Variants in ASPH observed in about 807,000 individuals in gnomAD.
ASPH encodes the protein aspartyl/asparaginyl beta-hydroxylase.
In ASPH, 100 loss-of-function variants were observed where a neutral mutation model predicts 118.4. The ratio of observed to expected loss-of-function variants is 0.84; its 90% CI spans 0.72 to 1.00. The LOEUF is 1.00. Among genes scored for constraint, ASPH ranks in the 50% least tolerant of loss-of-function variants. The pLI, the probability that ASPH is intolerant of heterozygous loss-of-function variation, is 0.00. For synonymous variants in ASPH, 315 were observed against 325.6 expected (o/e 0.97, Z 0.35); for missense variants, 920 against 919.5 (o/e 1.00, Z -0.01).
At chr8:61,637,660 C>G (rs113324361) in intron 12 of ASPH, among the ~76,000 whole-genome samples, 2 of 152,178 alleles carry the variant, frequency 1.3e-5, no homozygotes, top group African/African-American at 4.8e-5. Flanking sequence ...TAACCTGCTG[C>G]TACTCAGGGT....
chr8:61,549,996 T>C (rs1443138619), intron 20 of ASPH, among the ~76,000 whole-genome samples: 2 of 152,200 alleles, frequency 1.3e-5, no homozygotes, highest in South Asian at 2.1e-4. Context: ...AGGTCTTTTC[T>C]GACACTCAAA....
In ASPH at chr8:61,573,956, A is replaced by G. The variant is rs567697267; in HGVS notation, c.1149+2816T>C. On this transcript the variant is annotated intron_variant, in intron 16 of 24. Transcript: ENST00000379454. ...AATTTTTGCAATCTACCTGTCTGAC[A>G]AAGAGCTAATATCCAGAATCTACAA... Among the ~76,000 whole-genome samples the G allele has an allele frequency of 5.7e-4, 87 of 152,350 alleles. 1 individual carries two copies. In the Middle Eastern group the frequency reaches 0.027, roughly 48 times the overall value.
At chr8:61,624,422 A>AT in intron 13 of ASPH, 1 of 985,106 alleles carries the variant, frequency 1.0e-6, no homozygotes, top group Non-Finnish European at 1.2e-6. Flanking sequence ...TTCCTTTGTG[A>AT]TTTTAGTTAT....
chr8:61,619,025 A>G lies in ASPH; in HGVS notation c.935-6T>C. 6.3e-7 allele frequency: 1 copy of G among 1,592,368 alleles called. No homozygotes were observed. The highest frequency in any genetic ancestry group is 8.6e-7 in the Non-Finnish European group (1 of 1,162,078). On this transcript the variant is annotated splice_polypyrimidine_tract_variant and splice_region_variant and intron_variant, in intron 13 of 24. Coordinates refer to ENST00000379454, the MANE Select transcript of ASPH (RefSeq NM_004318.4). ...ATCTGTTTTTCTATTTGTTTCTGAAAATTAAAGACAAAACATAGTAAGTAC... is the reference window on the plus strand; with the variant it reads ...ATCTGTTTTTCTATTTGTTTCTGAAGATTAAAGACAAAACATAGTAAGTAC...
rs987779810 is a variant in ASPH, at chr8:61,626,064, T to C, written c.935-7045A>G. The C allele has an allele frequency of 1.7e-5, 21 of 1,240,046 alleles. No homozygotes were observed. In the African/African-American group the frequency reaches 3.0e-4, roughly 17 times the overall value. The allele number at this position is 1,240,046 out of a possible 1,614,324, so 76.8% of individuals were successfully genotyped here. A position where few individuals can be genotyped will look rare whatever the true frequency, so the allele number is the denominator to read the frequency against. On this transcript the variant is annotated intron_variant, in intron 13 of 24. Transcript: ENST00000379454. ...AAAAGGGACATGCAGGAATGTAACA[T>C]GACATTTTTAGAAATGTGTGTTTCT... is the stretch of plus-strand genomic sequence containing the variant.
intron 13 of ASPH, chr8:61,628,295 G>C (rs1403525465): frequency 5.8e-6 from 2 of 343,306 alleles, no homozygotes; most frequent in Admixed American, 3.9e-5. Context: ...GAGTAGCTAG[G>C]ACTACAGGCA....
chr8:61,575,317 C>T (rs934296447), intron 16 of ASPH, among the ~76,000 whole-genome samples: 4 of 152,166 alleles, frequency 2.6e-5, no homozygotes, highest in African/African-American at 9.7e-5. Context: ...TTTATAAAGA[C>T]TTTCAGGGCT....
At chr8:61,621,030 G>A (rs926032919) in intron 13 of ASPH, among the ~76,000 whole-genome samples, 1 of 152,208 alleles carries the variant, frequency 6.6e-6, no homozygotes, top group African/African-American at 2.4e-5. Context: ...CCAGGAACGT[G>A]GAGGGTGAGT....
intron 1 of ASPH, among the ~76,000 whole-genome samples, chr8:61,694,822 C>T (rs1305702576): frequency 2.6e-5 from 4 of 152,172 alleles, no homozygotes; most frequent in Admixed American, 6.5e-5. Flanking sequence ...GAATGACTTA[C>T]AAAAACCTCA....
chr8:61,633,510 C>A (rs766965369), intron 13 of ASPH, 173 bp downstream of exon 13: 6 of 506,222 alleles, frequency 1.2e-5, no homozygotes, highest in African/African-American at 2.0e-5. Flanking sequence ...ATCTGATGTG[C>A]ATTTTCCATT....
At chr8:61,645,309 T>C (rs965776991) in intron 6 of ASPH, among the ~76,000 whole-genome samples, 2 of 152,222 alleles carry the variant, frequency 1.3e-5, no homozygotes, top group African/African-American at 4.8e-5. Context: ...TGTTTCTTCC[T>C]ACTCCCAATC....
At chr8:61,581,749 C>T (rs554294382) in intron 15 of ASPH, among the ~76,000 whole-genome samples, 2 of 152,284 alleles carry the variant, frequency 1.3e-5, no homozygotes, top group East Asian at 3.9e-4. Context: ...TTTACTCCCT[C>T]CCCACCTTTT....
intron 3 of ASPH, chr8:61,661,965 T>A: frequency 2.3e-6 from 1 of 433,664 alleles, no homozygotes; most frequent in South Asian, 6.2e-5. Context: ...AAAAAAAAAA[T>A]TCAAAAGAGT....
chr8:61,540,819 G>A lies in ASPH; in HGVS notation c.1764+7252C>T, dbSNP rs78215314. Reference sequence around the variant, plus strand: ...ATGAAAATGTGCTATCAGGCCAGGCGCAGTGGTTCATGCCTGTAATCCTAG... The same window carrying A: ...ATGAAAATGTGCTATCAGGCCAGGCACAGTGGTTCATGCCTGTAATCCTAG... On this transcript the variant is annotated intron_variant, in intron 21 of 24. Transcript: ENST00000379454. Among the ~76,000 whole-genome samples the A allele has an allele frequency of 8.1e-3, 1,229 of 152,298 alleles. 12 individuals are homozygous for A. The highest frequency in any genetic ancestry group is 0.028 in the African/African-American group (1,165 of 41,552).
chr8:61,658,160 T>C (rs1322429429), intron 3 of ASPH: 2 of 152,184 alleles, frequency 1.3e-5, no homozygotes, highest in African/African-American at 2.4e-5. Context: ...GCTCCTGGCT[T>C]GTGTAATCAG....
rs542366513 is a variant in ASPH, at chr8:61,563,084, T to G, written c.1301-204A>C. ...ATAACTGCCATAAGTAGATACTGAATATGGTATTGATTATAAACATCTAAA... is the reference window on the plus strand; with the variant it reads ...ATAACTGCCATAAGTAGATACTGAAGATGGTATTGATTATAAACATCTAAA... On this transcript the variant is annotated intron_variant, in intron 17 of 24. Transcript: ENST00000379454. 1.3e-5 allele frequency among the ~76,000 whole-genome samples: 2 copies of G among 152,186 alleles called. No homozygotes were observed. The highest frequency in any genetic ancestry group is 3.9e-4 in the East Asian group (2 of 5,170).
At chr8:61,648,534 T>C in intron 5 of ASPH, among the ~76,000 whole-genome samples, 1 of 152,242 alleles carries the variant, frequency 6.6e-6, no homozygotes, top group East Asian at 1.9e-4. Flanking sequence ...CCTCTTTCCT[T>C]ATTCTTCTTT....
chr8:61,590,814 GA>G (rs1840894922), intron 14 of ASPH, among the ~76,000 whole-genome samples: 1 of 151,810 alleles, frequency 6.6e-6, no homozygotes, highest in African/African-American at 2.4e-5. Context: ...TATCTTCCTG[GA>G]AAACCCTTTC....
intron 21 of ASPH, among the ~76,000 whole-genome samples, chr8:61,536,037 C>CT (rs34022613): frequency 0.68 from 87,608 of 128,390 alleles, 31,202 homozygotes; most frequent in Non-Finnish European, 0.77. Flanking sequence ...AAACAGGTGA[C>CT]TTTTTTTTTT....
Sources: gnomAD v4.1 joint callset for allele counts (sites outside exome capture counted in the v4.1 genomes callset) on GRCh38, gnomAD v4.1.1 for gene constraint, MANE v1.5 for transcripts, NCBI Gene and HGNC (gene_info 2026-07-23, HGNC 2026-07-21) for gene names.